The following CD40 variants were observed in gnomAD, a reference collection of about 807,000 sequenced individuals.
CD40 encodes the protein tumor necrosis factor receptor superfamily member 5.
In CD40, 19 loss-of-function variants were observed where a neutral mutation model predicts 38.5. That is an observed-to-expected ratio of 0.49 (90% CI 0.34 to 0.72). The LOEUF is 0.72. Among genes scored for constraint, CD40 ranks in the 30% least tolerant of loss-of-function variants. The pLI, the probability that CD40 is intolerant of heterozygous loss-of-function variation, is 0.01. For missense variants in CD40, 256 were observed against 344.1 expected (o/e 0.74, Z 2.03); for synonymous variants, 130 against 128.7 (o/e 1.01, Z -0.07).
At position 46,129,188 on chromosome 20, in the gene CD40, A is replaced by G. The variant is rs1278845548; in HGVS notation, c.*148A>G. On this transcript the variant is annotated 3_prime_UTR_variant, in exon 9 of 9. Coordinates refer to ENST00000372285, the MANE Select transcript of CD40 (RefSeq NM_001250.6). The stretch of plus-strand genomic sequence containing the variant: ...TCTGCCTGCACCCCTGCAGTTTGAG[A>G]CAGGAGACCTGGCACTGGATGCAGA... 1.2e-6 allele frequency: 1 copy of G among 830,004 alleles called. No individual in the cohort carries two copies. The highest frequency in any genetic ancestry group is 2.6e-5 in the East Asian group (1 of 37,926). 51.4% of individuals were successfully genotyped at this position (830,004 alleles called of 1,614,324 possible). A position where few individuals can be genotyped will look rare whatever the true frequency, so the allele number is the denominator to read the frequency against.
chr20:46,122,222 A>C lies in CD40; in HGVS notation c.131-11A>C, dbSNP rs1265020832. 4.3e-6 allele frequency: 7 copies of C among 1,614,016 alleles called. No individual in the cohort carries two copies. Among genetic ancestry groups the C allele is most frequent in the Non-Finnish European group, 5.9e-6 (7 of 1,180,028 alleles). On this transcript the variant is annotated splice_polypyrimidine_tract_variant and intron_variant, in intron 2 of 8. Coordinates refer to ENST00000372285, the MANE Select transcript of CD40 (RefSeq NM_001250.6). This position sits in a 1 kb window ranked among gnomAD's most constrained non-coding sequence, Gnocchi z 5.0. ...GGCCAGAGCCCTCCCTCATTTCCTG[A>C]TGTTTTCCAGGACAGAAACTGGTGA...
rs2085520645 is a variant in CD40 at position 46,129,790 on chromosome 20, A to G, written c.*750A>G. ...TTTGGCTTTCCCATAATGCTTCATC[A>G]TTTTTCCCAAAAGGAGAGTGAATTC... On this transcript the variant is annotated 3_prime_UTR_variant, in exon 9 of 9. Transcript: ENST00000372285. The G allele has an allele frequency of 6.6e-6, 1 of 152,102 alleles. No homozygotes were observed. The highest frequency in any genetic ancestry group is 1.5e-5 in the Non-Finnish European group (1 of 68,028). 9.4% of individuals were successfully genotyped at this position (152,102 alleles called of 1,614,324 possible).
rs772505094 is a variant in CD40 at position 46,122,194 on chromosome 20, G to C, written c.131-39G>C. ...GTGTGGTTAGTGTCTGACTCATGGA[G>C]TTGGCCAGAGCCCTCCCTCATTTCC... On this transcript the variant is annotated intron_variant, in intron 2 of 8. Coordinates refer to ENST00000372285, the MANE Select transcript of CD40 (RefSeq NM_001250.6). This position sits in a 1 kb window ranked among gnomAD's most constrained non-coding sequence, Gnocchi z 5.0. 6.2e-7 allele frequency: 1 copy of C among 1,613,622 alleles called. No individual in the cohort carries two copies.
intron 1 of CD40, 44 bp downstream of exon 1, chr20:46,118,438 A>G (rs780104210): frequency 6.3e-7 from 1 of 1,593,554 alleles, no homozygotes; most frequent in South Asian, 1.1e-5. Flanking sequence ...GGGAGTGGGG[A>G]ATGAGAAGGA....
At chr20:46,121,692 G>T in intron 1 of CD40, 128 bp from the exon 2 acceptor site, 1 of 785,840 alleles carries the variant, frequency 1.3e-6, no homozygotes, top group African/African-American at 1.7e-5. Context: ...ATATCATGCA[G>T]GTTCCACTTT....
In CD40 at chr20:46,122,924, T is replaced by G; in HGVS notation, c.403+168T>G. On this transcript the variant is annotated intron_variant, in intron 4 of 8. Coordinates refer to ENST00000372285, the MANE Select transcript of CD40 (RefSeq NM_001250.6). The surrounding 1 kb of genome is among the most constrained non-coding windows in gnomAD (Gnocchi z 5.0). ...GCTGCAGACGGGACCTTGTTCATTC[T>G]GCCTTCTGCCATGGGGATCTGCCTT... 1.0e-6 allele frequency: 1 copy of G among 956,912 alleles called. No homozygotes were observed. Among genetic ancestry groups the G allele is most frequent in the Non-Finnish European group, 1.6e-6 (1 of 628,304 alleles). 59.3% of individuals were successfully genotyped at this position (956,912 alleles called of 1,614,324 possible).
At chr20:46,127,738 T>A (rs554290970) in intron 6 of CD40, among the ~76,000 whole-genome samples, 98 of 152,308 alleles carry the variant, frequency 6.4e-4, no homozygotes, top group South Asian at 3.1e-3. Flanking sequence ...ACATGAATCA[T>A]GCTAGACCTC....
At chr20:46,125,002 C>CAG (rs2085403534) in intron 5 of CD40, among the ~76,000 whole-genome samples, 1 of 151,398 alleles carries the variant, frequency 6.6e-6, no homozygotes. Context: ...CTCCTGACCT[C>CAG]GTGATCCGTC....
chr20:46,123,337 T>G, intron 5 of CD40, 118 bp downstream of exon 5: 1 of 868,424 alleles, frequency 1.2e-6, no homozygotes. Context: ...CATGTACTTG[T>G]GAAGCATCTG....
chr20:46,122,631 A>T lies in CD40; in HGVS notation c.278A>T (p.Gln93Leu). Residue 93 changes from glutamine (Q) to leucine (L), a missense_variant, in exon 4 of 9, where the codon CAG becomes CTG. By Grantham distance (113) the Gln-to-Leu change is moderately radical. Transcript: ENST00000372285. The surrounding 1 kb of genome is among the most constrained non-coding windows in gnomAD (Gnocchi z 5.0). ...TCAGACCTAGGGCTTCGGGTCCAGCAGAAGGGCACCTCAGAAACAGACACC... is the reference window on the plus strand; with the variant it reads ...TCAGACCTAGGGCTTCGGGTCCAGCTGAAGGGCACCTCAGAAACAGACACC... Reference protein sequence around the residue: ...CDPNLGLRVQQKGTSETDTIC... With the variant: ...CDPNLGLRVQLKGTSETDTIC... 1 of 1,614,166 alleles carries T rather than the reference A, an allele frequency of 6.2e-7. No homozygotes were observed. The highest frequency in any genetic ancestry group is 1.3e-5 in the African/African-American group (1 of 75,030).
At chr20:46,124,350 G>C (rs2085378983) in intron 5 of CD40, among the ~76,000 whole-genome samples, 1 of 152,162 alleles carries the variant, frequency 6.6e-6, no homozygotes, top group East Asian at 1.9e-4. Context: ...TTTTAAAAAT[G>C]GGCAAGATAG....
chr20:46,122,089 C>T lies in CD40; in HGVS notation c.131-144C>T. 8.7e-7 allele frequency: 1 copy of T among 1,148,272 alleles called. No homozygotes were observed. Among genetic ancestry groups the T allele is most frequent in the African/African-American group, 1.5e-5 (1 of 65,826 alleles). The allele number at this position is 1,148,272 out of a possible 1,614,324, so 71.1% of individuals were successfully genotyped here. A position where few individuals can be genotyped will look rare whatever the true frequency, so the allele number is the denominator to read the frequency against. On this transcript the variant is annotated intron_variant, in intron 2 of 8. Transcript: ENST00000372285. The surrounding 1 kb of genome is among the most constrained non-coding windows in gnomAD (Gnocchi z 5.0). ...TACCCTGAACTAGGGATCCCAGCTT[C>T]TCCATCTTCCTCGCCTGATTATGAA...
Position 46,122,794 on chromosome 20 carries a change from C to T in CD40, c.403+38C>T, listed in dbSNP as rs749195546. ...TCTGGGAATCAGTTTTGGAGGGGGA[C>T]AGAGGAGCTTAGGGCCCAAGGTGAG... On this transcript the variant is annotated intron_variant, in intron 4 of 8. Transcript: ENST00000372285. The surrounding 1 kb of genome is among the most constrained non-coding windows in gnomAD (Gnocchi z 5.0). The T allele has an allele frequency of 4.4e-5, 71 of 1,612,604 alleles. No individual in the cohort carries two copies. Among genetic ancestry groups the T allele is most frequent in the Non-Finnish European group, 5.9e-5 (69 of 1,179,018 alleles).
chr20:46,122,621 C>T lies in CD40; in HGVS notation c.268C>T (p.Arg90Trp), dbSNP rs144542285. 21 of 1,613,950 alleles carry T rather than the reference C, an allele frequency of 1.3e-5. No homozygotes were observed. The highest frequency in any genetic ancestry group is 2.2e-5 in the South Asian group (2 of 91,070). ...CCTTCTCTTCTCAGACCTAGGGCTT[C>T]GGGTCCAGCAGAAGGGCACCTCAGA... ...HKYCDPNLGLRVQQKGTSETD... is the reference protein window; with the variant it reads ...HKYCDPNLGLWVQQKGTSETD... Residue 90 changes from arginine (R) to tryptophan (W), a missense_variant, in exon 4 of 9, where the codon CGG (arginine) becomes TGG (tryptophan). Physicochemically the swap from Arg to Trp is moderately radical, Grantham distance 101 (BLOSUM62 -3). Coordinates refer to ENST00000372285, the MANE Select transcript of CD40 (RefSeq NM_001250.6). The surrounding 1 kb of genome is among the most constrained non-coding windows in gnomAD (Gnocchi z 5.0).
intron 8 of CD40, 101 bp from the exon 9 acceptor site, chr20:46,128,781 G>A (rs745669288): frequency 2.3e-6 from 3 of 1,285,174 alleles, no homozygotes; most frequent in Non-Finnish European, 3.3e-6. Context: ...GTCTGGGAAA[G>A]GGGGGAGGGC....
chr20:46,122,810 C>G lies in CD40; in HGVS notation c.403+54C>G. On this transcript the variant is annotated intron_variant, in intron 4 of 8. Transcript: ENST00000372285. This position sits in a 1 kb window ranked among gnomAD's most constrained non-coding sequence, Gnocchi z 5.0. Reference sequence around the variant, plus strand: ...GGAGGGGGACAGAGGAGCTTAGGGCCCAAGGTGAGGGGCTGGGCAGTGGGC... The same window carrying G: ...GGAGGGGGACAGAGGAGCTTAGGGCGCAAGGTGAGGGGCTGGGCAGTGGGC... 6.2e-7 allele frequency: 1 copy of G among 1,607,446 alleles called. No homozygotes were observed. Among genetic ancestry groups the G allele is most frequent in the Non-Finnish European group, 8.5e-7 (1 of 1,175,116 alleles).
At position 46,123,700 on chromosome 20, in the gene CD40, C is replaced by G. The variant is rs139401012; in HGVS notation, c.497+481C>G. 7.4e-3 allele frequency among the ~76,000 whole-genome samples: 1,132 copies of G among 152,296 alleles called. 4 individuals carry two copies. The highest frequency in any genetic ancestry group is 0.014 in the Middle Eastern group (4 of 294). On this transcript the variant is annotated intron_variant, in intron 5 of 8. Transcript: ENST00000372285. ...TGTCACTTTAGTTTGGGCCTCATCACTGTGGTCTGGGTGATGCCTTTTCTG... is the reference window on the plus strand; with the variant it reads ...TGTCACTTTAGTTTGGGCCTCATCAGTGTGGTCTGGGTGATGCCTTTTCTG...
Position 46,128,573 on chromosome 20 carries a change from C to T in CD40, c.675+215C>T, listed in dbSNP as rs565954224. On this transcript the variant is annotated intron_variant, in intron 8 of 8. Coordinates refer to ENST00000372285, the MANE Select transcript of CD40 (RefSeq NM_001250.6). The stretch of plus-strand genomic sequence containing the variant: ...CCCTGGCACCACTGGCAGAGCCTAA[C>T]ACTGGCTGTTCTTCACTCCTTTCCT... 4.7e-4 allele frequency: 336 copies of T among 716,236 alleles called. 4 individuals are homozygous for T. Among genetic ancestry groups the T allele is most frequent in the South Asian group, 3.2e-3 (215 of 66,252 alleles). 44.4% of individuals were successfully genotyped at this position (716,236 alleles called of 1,614,324 possible). A position where few individuals can be genotyped will look rare whatever the true frequency, so the allele number is the denominator to read the frequency against.
At chr20:46,125,716 T>C (rs1057376942) in intron 5 of CD40, among the ~76,000 whole-genome samples, 11 of 152,146 alleles carry the variant, frequency 7.2e-5, no homozygotes, top group African/African-American at 2.7e-4. Flanking sequence ...TCTATATGTT[T>C]GCTGTGTCTC....
Sources: allele counts gnomAD v4.1 joint callset (sites outside exome capture counted in the v4.1 genomes callset), GRCh38; gene constraint gnomAD v4.1.1; non-coding constraint Gnocchi (gnomAD v3.1); transcripts MANE v1.5; gene names NCBI Gene and HGNC (gene_info 2026-07-23, HGNC 2026-07-21).